TMEM94: variants seen among roughly 807,000 people sequenced by gnomAD.
TMEM94 encodes transmembrane protein 94.
Under a neutral mutation model 158.6 loss-of-function variants are expected in TMEM94, and 81 were observed. That is an observed-to-expected ratio of 0.51 (90% CI 0.43 to 0.61). The LOEUF (loss-of-function observed/expected upper bound fraction) is 0.61, where lower values mean the gene tolerates loss of function less well. Ranked by LOEUF, TMEM94 falls within the 20% of genes least tolerant of loss-of-function variation. The pLI is 0.00. For missense variants in TMEM94, 1,435 were observed against 1,762.0 expected, an observed-to-expected ratio of 0.81 and a Z score of 3.32; for synonymous variants, 751 against 730.7, an observed-to-expected ratio of 1.03 and a Z score of -0.45.
Position 75,489,223 on chromosome 17 carries a change from A to G in TMEM94, c.765-43A>G. 1.3e-6 allele frequency: 2 copies of G among 1,573,544 alleles called. No homozygotes were observed. Among genetic ancestry groups the G allele is most frequent in the Non-Finnish European group, 1.7e-6 (2 of 1,143,398 alleles). ...GAATCCTCCCAAGGTGTAGGTTTCT[A>G]GCCTCTCTGCCAAGTGAGACTGACA... On this transcript the variant is annotated intron_variant, in intron 7 of 31. Transcript: ENST00000314256. This position sits in a 1 kb window ranked among gnomAD's most constrained non-coding sequence, Gnocchi z 5.0.
Position 75,496,014 on chromosome 17 carries a change from G to A in TMEM94, c.2993G>A (p.Cys998Tyr). ...ATGCAAGAGTACGGGGAGGTGACCTGCTGCCTGGGCAGCTCTGCCAACCTG... is the reference window on the plus strand; with the variant it reads ...ATGCAAGAGTACGGGGAGGTGACCTACTGCCTGGGCAGCTCTGCCAACCTG... Reference protein sequence around the residue: ...KIMQEYGEVTCCLGSSANLRN... With the variant: ...KIMQEYGEVTYCLGSSANLRN... The change falls in exon 23 of 32, where the codon TGC becomes TAC. Residue 998 changes from cysteine (C) to tyrosine (Y), a missense_variant. Cys to Tyr is a radical substitution (Grantham distance 194). Coordinates refer to ENST00000314256, the MANE Select transcript of TMEM94 (RefSeq NM_014738.6). 1 of 1,613,450 alleles carries A rather than the reference G, an allele frequency of 6.2e-7. No individual in the cohort carries two copies. The highest frequency in any genetic ancestry group is 8.5e-7 in the Non-Finnish European group (1 of 1,179,958).
chr17:75,472,010 T>C (rs2146244819), intron 2 of TMEM94, 81 bp downstream of exon 2: 1 of 1,467,956 alleles, frequency 6.8e-7, no homozygotes, highest in Non-Finnish European at 9.5e-7. Flanking sequence ...GCCTGGGAGA[T>C]CCTTAACTGG....
At chr17:75,476,649 A>T in intron 2 of TMEM94, 1 of 1,534,272 alleles carries the variant, frequency 6.5e-7, no homozygotes, top group South Asian at 1.2e-5. Flanking sequence ...GAGGTGTTGG[A>T]AGTTCTTGCA....
intron 24 of TMEM94, 26 bp downstream of exon 24, chr17:75,496,497 G>A (rs1447508621): frequency 6.2e-7 from 1 of 1,606,032 alleles, no homozygotes; most frequent in Non-Finnish European, 8.5e-7. Flanking sequence ...GGCAAAGGAG[G>A]AGAGACGCAG....
intron 1 of TMEM94, among the ~76,000 whole-genome samples, chr17:75,463,545 G>A (rs985524304): frequency 1.6e-4 from 25 of 152,142 alleles, no homozygotes; most frequent in Non-Finnish European, 2.5e-4. Flanking sequence ...TTCCTCGTCT[G>A]TTGTTAGGGA....
intron 2 of TMEM94, among the ~76,000 whole-genome samples, chr17:75,484,858 G>A (rs2051456256): frequency 6.6e-6 from 1 of 152,064 alleles, no homozygotes; most frequent in Admixed American, 6.5e-5. Context: ...CCAACATGAT[G>A]AAACCTCGTC....
intron 1 of TMEM94, among the ~76,000 whole-genome samples, chr17:75,458,356 T>A (rs1417173602): frequency 6.6e-6 from 1 of 151,902 alleles, no homozygotes; most frequent in Non-Finnish European, 1.5e-5. Flanking sequence ...AAAAGTTAGA[T>A]CCTGAGGCAT....
At chr17:75,469,215 G>A (rs972263769) in intron 1 of TMEM94, among the ~76,000 whole-genome samples, 3 of 152,130 alleles carry the variant, frequency 2.0e-5, no homozygotes, top group African/African-American at 4.8e-5. Context: ...CTGCCAGCAC[G>A]TGGAAAGAAG....
chr17:75,464,979 A>G (rs1200422925), intron 1 of TMEM94, among the ~76,000 whole-genome samples: 1 of 151,790 alleles, frequency 6.6e-6, no homozygotes, highest in Non-Finnish European at 1.5e-5. Flanking sequence ...GATTACAGGC[A>G]TGAGCCACTG....
chr17:75,498,241 T>G lies in TMEM94; in HGVS notation c.3556T>G (p.Cys1186Gly). ...CCTCACCATCAGCTCCTGCCTCATCTGCTTTGGCTTCACACTGCAGAGCTT... is the reference window on the plus strand; with the variant it reads ...CCTCACCATCAGCTCCTGCCTCATCGGCTTTGGCTTCACACTGCAGAGCTT... ...FSLTISSCLI[C>G]FGFTLQSFCD... The change falls in exon 28 of 32, where the codon TGC (cysteine) becomes GGC (glycine). Residue 1186 changes from cysteine (C) to glycine (G), a missense_variant. Cys to Gly is a radical substitution (Grantham distance 159). Coordinates refer to ENST00000314256, the MANE Select transcript of TMEM94 (RefSeq NM_014738.6). This position sits in a 1 kb window ranked among gnomAD's most constrained non-coding sequence, Gnocchi z 6.7. 6.2e-7 allele frequency: 1 copy of G among 1,613,894 alleles called. No individual in the cohort carries two copies. Among genetic ancestry groups the G allele is most frequent in the Non-Finnish European group, 8.5e-7 (1 of 1,180,026 alleles).
intron 25 of TMEM94, 97 bp from the exon 26 acceptor site, chr17:75,497,016 C>T (rs1481777818): frequency 1.6e-5 from 18 of 1,135,378 alleles, no homozygotes; most frequent in Non-Finnish European, 2.3e-5. Context: ...AGGATGTGAG[C>T]ATCTATCTGG....
chr17:75,486,180 G>A, intron 4 of TMEM94, 110 bp from the exon 5 acceptor site: 1 of 1,523,714 alleles, frequency 6.6e-7, no homozygotes, highest in Non-Finnish European at 8.9e-7. Flanking sequence ...ACCAGAACGG[G>A]ACAGTCTTTC....
At chr17:75,484,724 C>A (rs2051444679) in intron 2 of TMEM94, among the ~76,000 whole-genome samples, 1 of 151,792 alleles carries the variant, frequency 6.6e-6, no homozygotes, top group South Asian at 2.1e-4. Context: ...TGTTAGTTTC[C>A]CTCTCTCCAT....
Position 75,485,455 on chromosome 17 carries a change from T to C in TMEM94, c.52T>C (p.Ser18Pro). Residue 18 changes from serine (S) to proline (P), a missense_variant, in exon 3 of 32, where the codon TCC becomes CCC. By Grantham distance (74) the Ser-to-Pro change is moderately conservative. Coordinates refer to ENST00000314256, the MANE Select transcript of TMEM94 (RefSeq NM_014738.6). The surrounding 1 kb of genome is among the most constrained non-coding windows in gnomAD (Gnocchi z 5.5). ...CGAGCCTCCCTCAGCCCTGGGCCTG[T>C]CCACGCGGAAGGCCCTCAGCGTCCT... ...LGEPPSALGLSTRKALSVLKE... is the reference protein window; with the variant it reads ...LGEPPSALGLPTRKALSVLKE... 6.2e-7 allele frequency: 1 copy of C among 1,614,090 alleles called. No homozygotes were observed. Among genetic ancestry groups the C allele is most frequent in the Non-Finnish European group, 8.5e-7 (1 of 1,179,964 alleles).
At chr17:75,497,692 C>A in intron 26 of TMEM94, 89 bp from the exon 27 acceptor site, 2 of 1,041,198 alleles carry the variant, frequency 1.9e-6, no homozygotes, top group South Asian at 1.3e-5. Context: ...CTCGACCTCA[C>A]GCGCAAGACT....
chr17:75,496,321 G>T lies in TMEM94; in HGVS notation c.3093G>T (p.Trp1031Cys), dbSNP rs570064093. 6 of 1,614,024 alleles carry T rather than the reference G, an allele frequency of 3.7e-6. No individual in the cohort carries two copies. The highest frequency in any genetic ancestry group is 5.1e-6 in the Non-Finnish European group (6 of 1,180,048). Residue 1031 changes from tryptophan (W) to cysteine (C), a missense_variant, in exon 24 of 32, where the codon TGG becomes TGT. This residue lies in a region of TMEM94 where 335 missense variants were observed against 409.1 expected (regional missense o/e 0.82). Transcript: ENST00000314256. ...LDPLYPSRCS[W>C]ETFGYATSIS... ...CCCTGTACCCATCCCGTTGCTCCTG[G>T]GAGACCTTTGGCTACGCCACCAGCA...
chr17:75,457,859 T>G (rs1040079476), intron 1 of TMEM94, among the ~76,000 whole-genome samples: 16 of 152,122 alleles, frequency 1.1e-4, no homozygotes. Context: ...CCTAGTTGTT[T>G]CCTAGGTGTG....
Position 75,492,547 on chromosome 17 carries a change from G to A in TMEM94, c.1670G>A (p.Ser557Asn), listed in dbSNP as rs749100248. 1.9e-6 allele frequency: 3 copies of A among 1,613,892 alleles called. No homozygotes were observed. The change falls in exon 15 of 32, where the codon AGC (serine) becomes AAC (asparagine). Residue 557 changes from serine (S) to asparagine (N), a missense_variant. Coordinates refer to ENST00000314256, the MANE Select transcript of TMEM94 (RefSeq NM_014738.6). This position sits in a 1 kb window ranked among gnomAD's most constrained non-coding sequence, Gnocchi z 4.4. ...TGTGACTACCACCTGGAGATGCTGA[G>A]CCTGTCCCAGGACCAGCAGAACCCC... ...FVCDYHLEML[S>N]LSQDQQNPSC...
chr17:75,497,646 C>T (rs1453959547), intron 26 of TMEM94, 135 bp from the exon 27 acceptor site: 11 of 664,122 alleles, frequency 1.7e-5, no homozygotes, highest in African/African-American at 3.6e-5. Flanking sequence ...GAGCCACTGC[C>T]GTCCAGCCTT....
Sources: gnomAD v4.1 joint callset for allele counts (sites outside exome capture counted in the v4.1 genomes callset) on GRCh38, gnomAD v4.1.1 for gene constraint, gnomAD v4.1.1 regional missense constraint, Gnocchi (gnomAD v3.1) non-coding constraint, MANE v1.5 for transcripts, NCBI Gene and HGNC (gene_info 2026-07-23, HGNC 2026-07-21) for gene names.